Variants in MYBPC1 observed in about 807,000 individuals in gnomAD.
MYBPC1 encodes myosin binding protein C1.
MYBPC1 carries 52 observed loss-of-function variants against 147.1 expected under a neutral mutation model. That is an observed-to-expected ratio of 0.35 (90% CI 0.28 to 0.45). MYBPC1 has a LOEUF of 0.45. MYBPC1 is among the 20% of genes least tolerant of loss of function. MYBPC1 has a pLI of 1.00. For missense variants in MYBPC1, 1,228 were observed against 1,440.3 expected, an observed-to-expected ratio of 0.85 and a Z score of 2.39; for synonymous variants, 477 against 475.9, an observed-to-expected ratio of 1.00 and a Z score of -0.03.
intron 22 of MYBPC1, chr12:101,666,638 G>T (rs1897470595): frequency 9.0e-7 from 1 of 1,113,994 alleles, no homozygotes; most frequent in East Asian, 2.5e-5. Context: ...AAATCTCTTT[G>T]CACACTTTGC....
chr12:101,695,426 C>T, the MYBPC1 span, among the ~76,000 whole-genome samples: 1 of 152,190 alleles, frequency 6.6e-6, no homozygotes, highest in Non-Finnish European at 1.5e-5. Context: ...ATTTAAAACT[C>T]ACACTTTATT....
At chr12:101,661,920 G>GAAAGAAAGAAAAT (rs1896649384) in intron 20 of MYBPC1, among the ~76,000 whole-genome samples, 1 of 128,506 alleles carries the variant, frequency 7.8e-6, no homozygotes, top group Admixed American at 8.0e-5. Context: ...AAAAAAGAAA[G>GAAAGAAAGAAAAT]AAAAAATATT....
At chr12:101,683,020 G>A (rs1207075411) in intron 30 of MYBPC1, among the ~76,000 whole-genome samples, 3 of 152,148 alleles carry the variant, frequency 2.0e-5, no homozygotes, top group Non-Finnish European at 2.9e-5. Flanking sequence ...CTTTTTTAAA[G>A]ATAGTTGACA....
intron 1 of MYBPC1, among the ~76,000 whole-genome samples, chr12:101,597,567 G>T (rs1168441436): frequency 1.3e-5 from 2 of 152,220 alleles, no homozygotes; most frequent in Non-Finnish European, 1.5e-5. Flanking sequence ...AAGGAGGAAG[G>T]ACAGATGTAA....
chr12:101,607,219 C>T (rs995956505), intron 1 of MYBPC1, among the ~76,000 whole-genome samples: 8 of 152,080 alleles, frequency 5.3e-5, no homozygotes, highest in Non-Finnish European at 7.4e-5. Context: ...CCATTGTGCT[C>T]GTGTCTGGGC....
intron 1 of MYBPC1, among the ~76,000 whole-genome samples, chr12:101,613,245 TCCAGCC>T (rs1884897890): frequency 6.6e-6 from 1 of 152,186 alleles, no homozygotes; most frequent in Admixed American, 6.5e-5. Context: ...CTATGCTCAT[TCCAGCC>T]TTCCTAGACT....
chr12:101,619,002 G>C (rs7312045), intron 3 of MYBPC1, among the ~76,000 whole-genome samples: 4,832 of 151,974 alleles, frequency 0.032, 265 homozygotes, highest in African/African-American at 0.11. Flanking sequence ...CCTAAATAAA[G>C]AAGGTAAGTG....
At chr12:101,661,075 C>A (rs1896464158) in intron 19 of MYBPC1, 83 bp from the exon 20 acceptor site, 3 of 830,490 alleles carry the variant, frequency 3.6e-6, no homozygotes, top group East Asian at 5.3e-5. Flanking sequence ...ATGATTATCA[C>A]CAAGAAACAT....
chr12:101,691,605 C>A, the MYBPC1 span, among the ~76,000 whole-genome samples: 2 of 152,212 alleles, frequency 1.3e-5, no homozygotes, highest in Non-Finnish European at 2.9e-5. Context: ...TCAAGATGTT[C>A]TTTCTCCTTT....
the MYBPC1 span, among the ~76,000 whole-genome samples, chr12:101,693,618 A>G: frequency 0.51 from 77,990 of 152,006 alleles, 21,008 homozygotes; most frequent in Admixed American, 0.6. Flanking sequence ...GCACATGCCT[A>G]TAGTCTCAGC....
chr12:101,675,118 G>C (rs932297889), intron 25 of MYBPC1, among the ~76,000 whole-genome samples, 174 bp from the exon 26 acceptor site: 1 of 152,050 alleles, frequency 6.6e-6, no homozygotes, highest in Non-Finnish European at 1.5e-5. Context: ...CCTTTGATCT[G>C]GCCTGGCTCC....
chr12:101,669,355 G>T (rs1376456795), intron 23 of MYBPC1, among the ~76,000 whole-genome samples: 1 of 152,168 alleles, frequency 6.6e-6, no homozygotes, highest in African/African-American at 2.4e-5. Flanking sequence ...ATGAGCCTTT[G>T]ACTCCCTGCT....
chr12:101,645,169 A>ATGACT (rs1347887696), intron 12 of MYBPC1, among the ~76,000 whole-genome samples: 2 of 152,112 alleles, frequency 1.3e-5, no homozygotes, highest in Non-Finnish European at 2.9e-5. Flanking sequence ...TTATAATTAG[A>ATGACT]TGACTTTTGC....
intron 1 of MYBPC1, among the ~76,000 whole-genome samples, chr12:101,603,276 C>T (rs115239811): frequency 2.0e-5 from 3 of 151,122 alleles, no homozygotes; most frequent in South Asian, 2.1e-4. Context: ...CCTGGGAGAA[C>T]GGAGGTTGTG....
At chr12:101,669,443 G>A (rs1170691640) in intron 23 of MYBPC1, among the ~76,000 whole-genome samples, 1 of 152,124 alleles carries the variant, frequency 6.6e-6, no homozygotes, top group Non-Finnish European at 1.5e-5. Context: ...GTGGGCCAGG[G>A]TTGCCTATTA....
chr12:101,650,386 ACT>A (rs1283404084), intron 15 of MYBPC1, among the ~76,000 whole-genome samples: 1 of 152,148 alleles, frequency 6.6e-6, no homozygotes. Flanking sequence ...GCTTCAGTTG[ACT>A]CACAGTTCCG....
At chr12:101,668,918 C>T (rs74864770) in intron 23 of MYBPC1, among the ~76,000 whole-genome samples, 3,940 of 152,158 alleles carry the variant, frequency 0.026, 252 homozygotes, top group East Asian at 0.25. Flanking sequence ...AAAACCACGT[C>T]TTTACTAAAA....
In MYBPC1 at chr12:101,625,057, T is replaced by C. The variant is rs1452254608; in HGVS notation, c.104-1815T>C. On this transcript the variant is annotated intron_variant, in intron 3 of 31. Coordinates refer to ENST00000361466, the MANE Select transcript of MYBPC1 (RefSeq NM_002465.4). ...ACAGGGTCCTTTGCAATAAAACTGG[T>C]TATGACTTGATCCAGGTGTTTAAAA... is the stretch of plus-strand genomic sequence containing the variant. 2.0e-5 allele frequency among the ~76,000 whole-genome samples: 3 copies of C among 152,126 alleles called. 1 individual carries two copies. Among genetic ancestry groups the C allele is most frequent in the Non-Finnish European group, 1.5e-5 (1 of 68,024 alleles).
In MYBPC1 at chr12:101,682,653, G is replaced by A. The variant is rs779596328; in HGVS notation, c.3483G>A (p.Gly1161=). Residue 1161 remains glycine (G), a synonymous_variant, in exon 30 of 32, where the codon GGG becomes GGA. Transcript: ENST00000361466. ...CTGGACAACCAGTCTTCCTGGAGGG[G>A]CAGCAACAGGTTTAAAAAGTTTATA... The part of the protein sequence containing the change: ...NTPGQPVFLE[G]QQQSLHNKDF 1.7e-5 allele frequency: 27 copies of A among 1,612,744 alleles called. No homozygotes were observed. The highest frequency in any genetic ancestry group is 1.9e-5 in the Non-Finnish European group (22 of 1,178,842).
Sources: gnomAD v4.1 joint callset for allele counts (sites outside exome capture counted in the v4.1 genomes callset) on GRCh38, gnomAD v4.1.1 for gene constraint, MANE v1.5 for transcripts, NCBI Gene and HGNC (gene_info 2026-07-23, HGNC 2026-07-21) for gene names.